The following PACRG variants were observed in gnomAD, a reference collection of about 807,000 sequenced individuals.
The protein encoded by PACRG is parkin coregulated gene protein.
A neutral mutation model predicts 29.7 loss-of-function variants in PACRG; 29 were observed. That is an observed-to-expected ratio of 0.98 (90% CI 0.73 to 1.33). The LOEUF is 1.33. PACRG is among the 40% of genes most tolerant of loss of function. The pLI is 0.00. For synonymous variants in PACRG, 116 were observed against 118.7 expected (o/e 0.98, Z 0.15); for missense variants, 279 against 316.2 (o/e 0.88, Z 0.89).
intron 4 of PACRG, among the ~76,000 whole-genome samples, chr6:163,172,862 G>C (rs975634366): frequency 2.0e-5 from 3 of 152,170 alleles, no homozygotes; most frequent in Non-Finnish European, 4.4e-5. Context: ...AAAGAGGCTT[G>C]AATGCCTAGA....
chr6:162,855,071 T>A (rs1042939585), intron 2 of PACRG, among the ~76,000 whole-genome samples: 1 of 152,250 alleles, frequency 6.6e-6, no homozygotes, highest in African/African-American at 2.4e-5. Context: ...CGCAGTCTCA[T>A]GTGAACCATG....
chr6:163,127,825 T>A (rs1340480568), intron 4 of PACRG, among the ~76,000 whole-genome samples: 1 of 152,228 alleles, frequency 6.6e-6, no homozygotes, highest in Non-Finnish European at 1.5e-5. Flanking sequence ...CAGTTTAGCC[T>A]GATGACAGCC....
chr6:163,238,775 A>ATGT (rs1782347802), intron 4 of PACRG, among the ~76,000 whole-genome samples: 2 of 152,342 alleles, frequency 1.3e-5, no homozygotes, highest in South Asian at 4.1e-4. Flanking sequence ...GTAGAATAGA[A>ATGT]TGTTTAGACT....
At chr6:163,286,104 A>G (rs1585400471) in intron 4 of PACRG, among the ~76,000 whole-genome samples, 1 of 152,348 alleles carries the variant, frequency 6.6e-6, no homozygotes, top group South Asian at 2.1e-4. Context: ...TCATCAGGAT[A>G]ACCATTTACT....
rs550722991 is a variant in PACRG at position 162,863,420 on chromosome 6, G to A, written c.291+49139G>A. ...TCACTGATATATTTCAGAACACCTT[G>A]TTACTATTTGTAAGGATGTTTGAGA... On this transcript the variant is annotated intron_variant, in intron 2 of 4. Transcript: ENST00000366888. Among the ~76,000 whole-genome samples, 20 of 152,314 alleles carry A rather than the reference G, an allele frequency of 1.3e-4. No individual in the cohort carries two copies. The South Asian group carries it at 2.3e-3, about 17-fold the overall frequency.
At chr6:162,793,029 T>C (rs1785086542) in intron 1 of PACRG, among the ~76,000 whole-genome samples, 1 of 152,132 alleles carries the variant, frequency 6.6e-6, no homozygotes, top group Non-Finnish European at 1.5e-5. Context: ...AGTCCTGCAA[T>C]AGAGGGAGGG....
chr6:163,304,015 CAAAAAAAAAA>C (rs59861286), intron 4 of PACRG, among the ~76,000 whole-genome samples: 2 of 76,250 alleles, frequency 2.6e-5, no homozygotes, highest in African/African-American at 5.4e-5. Flanking sequence ...GACTCCATTT[CAAAAAAAAAA>C]AAAAAAAAAA....
intron 2 of PACRG, among the ~76,000 whole-genome samples, chr6:162,847,200 C>T (rs903183407): frequency 3.9e-5 from 6 of 152,236 alleles, no homozygotes; most frequent in African/African-American, 1.4e-4. Flanking sequence ...CAGCTATATC[C>T]TCCCACTTCA....
At position 163,146,985 on chromosome 6, in the gene PACRG, T is replaced by G. The variant is rs1350610388; in HGVS notation, c.613+57577T>G. On this transcript the variant is annotated intron_variant, in intron 4 of 4. Transcript: ENST00000366888. Reference sequence around the variant, plus strand: ...GCCATGCTTCTACATTGCTCATCCCTTTTCCATTCTGTTAGCACGTGGATG... The same window carrying G: ...GCCATGCTTCTACATTGCTCATCCCGTTTCCATTCTGTTAGCACGTGGATG... Among the ~76,000 whole-genome samples, 5 of 152,336 alleles carry G rather than the reference T, an allele frequency of 3.3e-5. No homozygotes were observed. The East Asian group carries it at 9.7e-4, about 29-fold the overall frequency.
intron 2 of PACRG, among the ~76,000 whole-genome samples, chr6:163,018,614 T>C (rs759426948): frequency 4.9e-4 from 74 of 152,190 alleles, no homozygotes; most frequent in South Asian, 8.3e-4. Flanking sequence ...TATGAGTGAA[T>C]TGGTAATTTC....
intron 2 of PACRG, among the ~76,000 whole-genome samples, chr6:163,059,735 G>T (rs1005014288): frequency 1.3e-5 from 2 of 152,112 alleles, no homozygotes; most frequent in African/African-American, 4.8e-5. Flanking sequence ...TTGAAAATTA[G>T]GATATTAATA....
At chr6:163,296,781 T>G (rs1784793078) in intron 4 of PACRG, among the ~76,000 whole-genome samples, 1 of 152,224 alleles carries the variant, frequency 6.6e-6, no homozygotes, top group Non-Finnish European at 1.5e-5. Context: ...AGGGCAATAA[T>G]TAGACCTGCC....
chr6:163,096,431 A>G (rs1237592904), intron 4 of PACRG, among the ~76,000 whole-genome samples: 1 of 152,222 alleles, frequency 6.6e-6, no homozygotes, highest in Non-Finnish European at 1.5e-5. Flanking sequence ...GCTTGGGCAG[A>G]TGGGATAATT....
At chr6:163,074,178 C>T (rs938327783) in intron 3 of PACRG, among the ~76,000 whole-genome samples, 1 of 152,104 alleles carries the variant, frequency 6.6e-6, no homozygotes, top group Non-Finnish European at 1.5e-5. Context: ...CCTAAGTGTC[C>T]ATCAACAGAT....
intron 4 of PACRG, among the ~76,000 whole-genome samples, chr6:163,126,763 C>T (rs1247736631): frequency 1.3e-5 from 2 of 152,188 alleles, no homozygotes; most frequent in Non-Finnish European, 2.9e-5. Flanking sequence ...GCCACAGACC[C>T]AGATAGACAG....
chr6:162,838,144 C>T (rs569361123), intron 2 of PACRG, among the ~76,000 whole-genome samples: 10 of 152,190 alleles, frequency 6.6e-5, no homozygotes, highest in African/African-American at 2.2e-4. Flanking sequence ...TTATATTCAA[C>T]GTAAGTATTT....
At chr6:163,060,295 T>A (rs1161282767) in intron 2 of PACRG, among the ~76,000 whole-genome samples, 2 of 152,236 alleles carry the variant, frequency 1.3e-5, no homozygotes, top group East Asian at 3.9e-4. Context: ...AAAAATGTTT[T>A]AAAAATATAG....
At chr6:162,948,397 T>A (rs905301135) in intron 2 of PACRG, among the ~76,000 whole-genome samples, 1 of 152,046 alleles carries the variant, frequency 6.6e-6, no homozygotes, top group African/African-American at 2.4e-5. Context: ...CAATCCAGAA[T>A]GAATTGAACA....
At chr6:163,296,002 C>G (rs530953976) in intron 4 of PACRG, among the ~76,000 whole-genome samples, 2 of 152,122 alleles carry the variant, frequency 1.3e-5, no homozygotes, top group Non-Finnish European at 2.9e-5. Context: ...GTAAACCCCA[C>G]GCAGTTCTAA....
Sources: gnomAD v4.1 joint callset for allele counts (sites outside exome capture counted in the v4.1 genomes callset) on GRCh38, gnomAD v4.1.1 for gene constraint, MANE v1.5 for transcripts, NCBI Gene and HGNC (gene_info 2026-07-23, HGNC 2026-07-21) for gene names.